The following CAB39 variants were observed in gnomAD, a reference collection of about 807,000 sequenced individuals.
CAB39 encodes the protein calcium binding protein 39.
In CAB39, 8 loss-of-function variants were observed where a neutral mutation model predicts 40.0. The ratio of observed to expected loss-of-function variants is 0.20; its 90% CI spans 0.12 to 0.36. CAB39 has a LOEUF of 0.36. Among genes scored for constraint, CAB39 ranks in the 10% least tolerant of loss-of-function variants. The pLI, the probability that CAB39 is intolerant of heterozygous loss-of-function variation, is 1.00. For missense variants in CAB39, 270 were observed against 401.1 expected, an observed-to-expected ratio of 0.67 and a Z score of 2.79; for synonymous variants, 156 against 141.6, an observed-to-expected ratio of 1.10 and a Z score of -0.72.
chr2:230,716,795 A>G (rs972424387), intron 1 of CAB39, among the ~76,000 whole-genome samples: 3 of 152,222 alleles, frequency 2.0e-5, no homozygotes, highest in African/African-American at 7.2e-5. Context: ...TGAGCCCAAG[A>G]GTTGGAGGCC....
chr2:230,747,085 G>A (rs542631877), intron 1 of CAB39, among the ~76,000 whole-genome samples: 1 of 152,274 alleles, frequency 6.6e-6, no homozygotes, highest in South Asian at 2.1e-4. Flanking sequence ...TGGAGTGGTA[G>A]CTCATGCCTG....
At chr2:230,758,370 T>A (rs1336840951) in intron 1 of CAB39, among the ~76,000 whole-genome samples, 1 of 152,076 alleles carries the variant, frequency 6.6e-6, no homozygotes, top group East Asian at 1.9e-4. Flanking sequence ...ACTATTTCTC[T>A]TTGGTTAATT....
chr2:230,725,467 C>A, intron 1 of CAB39: 1 of 1,318,506 alleles, frequency 7.6e-7, no homozygotes, highest in Non-Finnish European at 1.1e-6. Context: ...CCGGCCACTC[C>A]TGCGGATACC....
At chr2:230,734,983 A>G (rs529723482) in intron 1 of CAB39, among the ~76,000 whole-genome samples, 85 of 152,274 alleles carry the variant, frequency 5.6e-4, no homozygotes, top group African/African-American at 2.0e-3. Flanking sequence ...TCAAGTGACC[A>G]ATACTTGTTG....
chr2:230,731,972 C>G (rs1478492248), intron 1 of CAB39, among the ~76,000 whole-genome samples: 1 of 152,152 alleles, frequency 6.6e-6, no homozygotes, highest in Non-Finnish European at 1.5e-5. Flanking sequence ...TTGGTACACC[C>G]CATTTAATGG....
At chr2:230,736,491 C>T (rs2124883152) in intron 1 of CAB39, among the ~76,000 whole-genome samples, 1 of 152,232 alleles carries the variant, frequency 6.6e-6, no homozygotes, top group Admixed American at 6.5e-5. Context: ...GTATCAAATG[C>T]ATGTCTTTTA....
chr2:230,750,249 A>C (rs1695062420), intron 1 of CAB39, among the ~76,000 whole-genome samples: 2 of 152,206 alleles, frequency 1.3e-5, no homozygotes. Flanking sequence ...GGTCGTTAAG[A>C]GGGATTAATG....
At chr2:230,759,040 G>A (rs929485613) in intron 1 of CAB39, among the ~76,000 whole-genome samples, 1 of 152,134 alleles carries the variant, frequency 6.6e-6, no homozygotes, top group Non-Finnish European at 1.5e-5. Context: ...TGGTTGAAAT[G>A]TTGTTTTCTA....
chr2:230,735,795 A>G (rs1260721712), intron 1 of CAB39, among the ~76,000 whole-genome samples: 2 of 152,230 alleles, frequency 1.3e-5, no homozygotes, highest in East Asian at 3.8e-4. Context: ...GATTACAGGC[A>G]TGAGCTACCA....
chr2:230,770,819 GA>G (rs938395178), intron 2 of CAB39, among the ~76,000 whole-genome samples: 1 of 151,844 alleles, frequency 6.6e-6, no homozygotes, highest in African/African-American at 2.4e-5. Context: ...ATGAAAAGGG[GA>G]AAAAAACCAG....
chr2:230,775,401 A>G (rs192179752), intron 2 of CAB39, among the ~76,000 whole-genome samples: 2 of 151,754 alleles, frequency 1.3e-5, no homozygotes, highest in East Asian at 3.9e-4. Context: ...ATGCCCAGCT[A>G]ATTTTTGTGT....
At chr2:230,784,900 A>C (rs1695761869) in intron 2 of CAB39, among the ~76,000 whole-genome samples, 1 of 152,174 alleles carries the variant, frequency 6.6e-6, no homozygotes, top group Admixed American at 6.5e-5. Context: ...TCCAGTTTCC[A>C]TTGGCTGGGA....
In CAB39 at chr2:230,752,562, G is replaced by A. The variant is rs1695110195; in HGVS notation, c.-43-7397G>A. The stretch of plus-strand genomic sequence containing the variant: ...AGGTCCTCGTTATAGTGACAGGAGG[G>A]CAGAGTCCTCATGACCTAAAAACCT... On this transcript the variant is annotated intron_variant, in intron 1 of 8. Transcript: ENST00000258418. Among the ~76,000 whole-genome samples the A allele has an allele frequency of 2.6e-5, 4 of 152,242 alleles. No individual in the cohort carries two copies. In the South Asian group the frequency reaches 8.3e-4, roughly 32 times the overall value.
intron 5 of CAB39, among the ~76,000 whole-genome samples, chr2:230,808,784 G>T (rs925484152): frequency 6.6e-6 from 1 of 152,220 alleles, no homozygotes; most frequent in East Asian, 1.9e-4. Context: ...TTGGGGTGGG[G>T]TTAGAAACCT....
chr2:230,790,242 CA>C (rs201133394), intron 2 of CAB39, among the ~76,000 whole-genome samples: 35 of 145,362 alleles, frequency 2.4e-4, no homozygotes, highest in South Asian at 4.3e-4. Context: ...GACCCTGTCT[CA>C]AAAAAAAAAA....
chr2:230,725,431 G>T (rs1694547750), intron 1 of CAB39: 2 of 1,562,162 alleles, frequency 1.3e-6, no homozygotes, highest in South Asian at 1.1e-5. Flanking sequence ...CGCAACTTCA[G>T]TTCCCGTAAC....
At chr2:230,818,033 G>A (rs1696434237) in intron 8 of CAB39, 136 bp downstream of exon 8, 2 of 774,738 alleles carry the variant, frequency 2.6e-6, no homozygotes, top group African/African-American at 1.8e-5. Flanking sequence ...TCATATTTGT[G>A]TGCTATGACT....
rs1057484775 is a variant in CAB39 at position 230,819,274 on chromosome 2, G to A, written c.*570G>A. 1.3e-5 allele frequency: 2 copies of A among 152,528 alleles called. No homozygotes were observed. The highest frequency in any genetic ancestry group is 4.8e-5 in the African/African-American group (2 of 41,462). 9.4% of individuals were successfully genotyped at this position (152,528 alleles called of 1,614,324 possible). A position where few individuals can be genotyped will look rare whatever the true frequency, so the allele number is the denominator to read the frequency against. On this transcript the variant is annotated 3_prime_UTR_variant, in exon 9 of 9. Coordinates refer to ENST00000258418, the MANE Select transcript of CAB39 (RefSeq NM_016289.4). ...AGCAACTTCTTAAAAGTGTAAAGAA[G>A]CCTCATAAGATCATAAGGAAAATGT... is the stretch of plus-strand genomic sequence containing the variant.
intron 1 of CAB39, among the ~76,000 whole-genome samples, chr2:230,715,785 C>T (rs774530587): frequency 5.3e-5 from 8 of 152,180 alleles, no homozygotes; most frequent in Non-Finnish European, 5.9e-5. Context: ...TCACTGCAAC[C>T]TCAACCTCCT....
Sources: allele counts gnomAD v4.1 joint callset (sites outside exome capture counted in the v4.1 genomes callset), GRCh38; gene constraint gnomAD v4.1.1; transcripts MANE v1.5; gene names NCBI Gene and HGNC (gene_info 2026-07-23, HGNC 2026-07-21).